The following MACROD2 variants were observed in gnomAD, a reference collection of about 807,000 sequenced individuals.
The protein encoded by MACROD2 is ADP-ribose glycohydrolase MACROD2.
A neutral mutation model predicts 70.4 loss-of-function variants in MACROD2; 36 were observed. The ratio of observed to expected loss-of-function variants is 0.51; its 90% confidence interval spans 0.39 to 0.68. The LOEUF (loss-of-function observed/expected upper bound fraction) is 0.68. MACROD2 is among the 30% of genes least tolerant of loss of function. MACROD2 has a pLI of 0.00. For missense variants in MACROD2, 496 were observed against 538.4 expected (o/e 0.92, Z 0.78); for synonymous variants, 172 against 178.8 (o/e 0.96, Z 0.30).
intron 5 of MACROD2, among the ~76,000 whole-genome samples, chr20:14,721,848 C>T (rs2071473621): frequency 6.6e-6 from 1 of 152,176 alleles, no homozygotes; most frequent in African/African-American, 2.4e-5. Flanking sequence ...CCATGACTTC[C>T]TTCATTCAGC....
intron 5 of MACROD2, among the ~76,000 whole-genome samples, chr20:14,851,346 T>A (rs937188846): frequency 6.6e-6 from 1 of 152,076 alleles, no homozygotes; most frequent in Non-Finnish European, 1.5e-5. Context: ...TGAATTTTGG[T>A]CCCCAGCACA....
intron 3 of MACROD2, among the ~76,000 whole-genome samples, chr20:14,147,727 T>C (rs1250109703): frequency 6.6e-6 from 1 of 152,192 alleles, no homozygotes; most frequent in Admixed American, 6.5e-5. Flanking sequence ...AGACTTTCCA[T>C]GCTCGAGACT....
intron 5 of MACROD2, among the ~76,000 whole-genome samples, chr20:14,708,365 C>T (rs1248573348): frequency 6.6e-6 from 1 of 152,044 alleles, no homozygotes; most frequent in Non-Finnish European, 1.5e-5. Context: ...AAGCCAAAGG[C>T]AATGTAAATG....
At chr20:15,189,402 G>T (rs2076555324) in intron 5 of MACROD2, among the ~76,000 whole-genome samples, 1 of 152,206 alleles carries the variant, frequency 6.6e-6, no homozygotes, top group Non-Finnish European at 1.5e-5. Context: ...AAAGAGAGAA[G>T]CTGAATAATT....
chr20:15,023,173 A>T (rs1338643511), intron 5 of MACROD2, among the ~76,000 whole-genome samples: 2 of 152,156 alleles, frequency 1.3e-5, no homozygotes, highest in African/African-American at 4.8e-5. Flanking sequence ...AGTGGCACAG[A>T]GTATTAAGAA....
intron 5 of MACROD2, among the ~76,000 whole-genome samples, chr20:15,144,076 A>G (rs2076212850): frequency 6.7e-6 from 1 of 150,136 alleles, no homozygotes; most frequent in African/African-American, 2.4e-5. Flanking sequence ...GACGGTGCCA[A>G]AGCATGAATG....
chr20:14,222,450 G>C (rs895398540), intron 3 of MACROD2, among the ~76,000 whole-genome samples: 1 of 152,072 alleles, frequency 6.6e-6, no homozygotes, highest in Non-Finnish European at 1.5e-5. Context: ...ATATATGGAC[G>C]TAGAATTTAG....
chr20:14,360,669 G>A (rs2083212884), intron 3 of MACROD2, among the ~76,000 whole-genome samples: 1 of 152,304 alleles, frequency 6.6e-6, no homozygotes, highest in South Asian at 2.1e-4. Flanking sequence ...ATCAAATCCT[G>A]TTGCAAGCTA....
chr20:14,763,827 G>A (rs557109068), intron 5 of MACROD2, among the ~76,000 whole-genome samples: 9 of 152,112 alleles, frequency 5.9e-5, no homozygotes, highest in African/African-American at 1.4e-4. Flanking sequence ...TCTAAAACCC[G>A]GACTTGGGGG....
At chr20:14,622,927 A>T (rs73100669) in intron 4 of MACROD2, 2 of 152,004 alleles carry the variant, frequency 1.3e-5, no homozygotes, top group Non-Finnish European at 2.9e-5. Flanking sequence ...CTATTTCCCC[A>T]CCTACTGGAA....
At chr20:14,042,408 A>G (rs1002008357) in intron 2 of MACROD2, among the ~76,000 whole-genome samples, 4 of 152,178 alleles carry the variant, frequency 2.6e-5, no homozygotes, top group Non-Finnish European at 5.9e-5. Flanking sequence ...ATTAACACAG[A>G]AGACTCCTGT....
intron 4 of MACROD2, among the ~76,000 whole-genome samples, chr20:14,576,157 G>T (rs1361877788): frequency 6.6e-6 from 1 of 152,170 alleles, no homozygotes; most frequent in Admixed American, 6.5e-5. Flanking sequence ...TGGTATTTAT[G>T]AAAGAGAAGA....
intron 6 of MACROD2, among the ~76,000 whole-genome samples, chr20:15,385,611 A>G (rs1195395013): frequency 6.6e-6 from 1 of 152,142 alleles, no homozygotes; most frequent in Non-Finnish European, 1.5e-5. Flanking sequence ...TTGAGAATGG[A>G]TATACACATT....
intron 5 of MACROD2, among the ~76,000 whole-genome samples, chr20:14,861,646 C>G (rs528667484): frequency 1.6e-4 from 24 of 151,728 alleles, no homozygotes; most frequent in African/African-American, 5.8e-4. Context: ...CACAATAAAC[C>G]CCACAAACAG....
intron 5 of MACROD2, among the ~76,000 whole-genome samples, chr20:15,107,161 A>G: frequency 6.6e-6 from 1 of 151,684 alleles, no homozygotes; most frequent in Non-Finnish European, 1.5e-5. Flanking sequence ...TTATGGAACC[A>G]TAAAATATGA....
chr20:14,400,421 C>G (rs1641406949), intron 3 of MACROD2, among the ~76,000 whole-genome samples: 1 of 152,108 alleles, frequency 6.6e-6, no homozygotes, highest in South Asian at 2.1e-4. Flanking sequence ...AGATATTATT[C>G]CTCTCAGGTA....
At chr20:14,997,251 G>C (rs2122886730) in intron 5 of MACROD2, among the ~76,000 whole-genome samples, 1 of 152,270 alleles carries the variant, frequency 6.6e-6, no homozygotes, top group South Asian at 2.1e-4. Context: ...GCAGAGTCCT[G>C]AGGCCCCCAT....
Position 14,021,090 on chromosome 20 carries a change from C to A in MACROD2, c.163+18686C>A, listed in dbSNP as rs1297023671. On this transcript the variant is annotated intron_variant, in intron 2 of 17. Coordinates refer to ENST00000684519, the MANE Select transcript of MACROD2 (RefSeq NM_001351661.2). The stretch of plus-strand genomic sequence containing the variant: ...CTGCAAGCTCCGCCTCCCAGGTTCA[C>A]ACCATTCTCCTGCCTCAGCCTCCCG... Among the ~76,000 whole-genome samples, 3 of 150,128 alleles carry A rather than the reference C, an allele frequency of 2.0e-5. No homozygotes were observed. In the East Asian group the frequency reaches 5.9e-4, roughly 30 times the overall value.
At chr20:15,183,812 T>A (rs534510802) in intron 5 of MACROD2, among the ~76,000 whole-genome samples, 1 of 152,282 alleles carries the variant, frequency 6.6e-6, no homozygotes, top group South Asian at 2.1e-4. Context: ...TTCACAAGTG[T>A]GCATCTTCCC....
Sources: allele counts gnomAD v4.1 joint callset (sites outside exome capture counted in the v4.1 genomes callset), GRCh38; gene constraint gnomAD v4.1.1; transcripts MANE v1.5; gene names NCBI Gene and HGNC (gene_info 2026-07-23, HGNC 2026-07-21).